Variants in LAMC1 observed in about 807,000 individuals in gnomAD.
LAMC1 encodes laminin subunit gamma 1.
In LAMC1, 38 loss-of-function variants were observed where a neutral mutation model predicts 173.6. That is an observed-to-expected ratio of 0.22 (90% confidence interval 0.17 to 0.29). The LOEUF (loss-of-function observed/expected upper bound fraction) is 0.29, where lower values mean the gene tolerates loss of function less well. Among genes scored for constraint, LAMC1 ranks in the 10% least tolerant of loss-of-function variants. The probability of loss-of-function intolerance (pLI) is 1.00; values close to 1 mark genes in which losing one functional copy is unlikely to be tolerated. For missense variants in LAMC1, 1,824 were observed against 2,051.8 expected, an observed-to-expected ratio of 0.89 and a Z score of 2.14; for synonymous variants, 746 against 749.1, an observed-to-expected ratio of 1.00 and a Z score of 0.07.
At chr1:183,103,260 C>A in intron 1 of LAMC1, 68 bp from the exon 2 acceptor site, 1 of 1,412,024 alleles carries the variant, frequency 7.1e-7, no homozygotes, top group Non-Finnish European at 9.8e-7. Flanking sequence ...CCAAACTAAG[C>A]TGGGAATAGA....
chr1:183,069,966 C>A (rs59590702), intron 1 of LAMC1, among the ~76,000 whole-genome samples: 1 of 152,032 alleles, frequency 6.6e-6, no homozygotes, highest in Non-Finnish European at 1.5e-5. Context: ...AAGAATGGCC[C>A]GGTTGAATAA....
intron 1 of LAMC1, among the ~76,000 whole-genome samples, chr1:183,039,405 A>G (rs777910821): frequency 5.9e-5 from 9 of 152,214 alleles, no homozygotes; most frequent in East Asian, 1.9e-4. Flanking sequence ...CAGTCCATAC[A>G]TAGTTTTGAA....
chr1:183,080,769 TTTAG>T (rs1042474607), intron 1 of LAMC1, among the ~76,000 whole-genome samples: 8 of 152,142 alleles, frequency 5.3e-5, no homozygotes, highest in Admixed American at 2.0e-4. Flanking sequence ...GGTTTTAGTT[TTTAG>T]TTAGTTTTTT....
At chr1:183,041,358 T>A (rs1471159578) in intron 1 of LAMC1, among the ~76,000 whole-genome samples, 1 of 152,216 alleles carries the variant, frequency 6.6e-6, no homozygotes, top group Non-Finnish European at 1.5e-5. Flanking sequence ...TGTTTTTTCC[T>A]TTGGCTACTT....
In LAMC1 at chr1:183,126,168, C is replaced by T. The variant is rs1389329408; in HGVS notation, c.2850C>T (p.Arg950=). ...LGSTNGQCDI[R]TGQCECQPGI... ...CCACCAATGGGCAGTGTGACATCCG[C>T]ACCGGCCAGTGTGAGTGCCAGCCCG... The change falls in exon 16 of 28, where the codon CGC becomes CGT. Residue 950 remains arginine (R), a synonymous_variant. Transcript: ENST00000258341. The T allele has an allele frequency of 6.2e-7, 1 of 1,614,212 alleles. No individual in the cohort carries two copies. The highest frequency in any genetic ancestry group is 1.1e-5 in the South Asian group (1 of 91,090).
chr1:183,055,504 G>A (rs1304033504), intron 1 of LAMC1, among the ~76,000 whole-genome samples: 1 of 151,926 alleles, frequency 6.6e-6, no homozygotes, highest in Non-Finnish European at 1.5e-5. Context: ...TAGGATTGAT[G>A]TGAGGATTAA....
At position 183,117,516 on chromosome 1, in the gene LAMC1, A is replaced by G. The variant is rs1384528196; in HGVS notation, c.1688-18A>G. ...TCTCAGTCTCACATTCTTGCCCACC[A>G]TTGTGTCTGTATTCCAGCAAAGTTC... On this transcript the variant is annotated intron_variant, in intron 9 of 27. Transcript: ENST00000258341. 1.2e-6 allele frequency: 2 copies of G among 1,612,970 alleles called. No individual in the cohort carries two copies. Among genetic ancestry groups the G allele is most frequent in the East Asian group, 2.2e-5 (1 of 44,874 alleles).
intron 1 of LAMC1, among the ~76,000 whole-genome samples, chr1:183,055,058 G>A (rs1200700331): frequency 5.4e-5 from 8 of 149,084 alleles, no homozygotes; most frequent in Non-Finnish European, 4.4e-5. Context: ...ACGCAATCTC[G>A]GCTCACTGCA....
chr1:183,060,752 TG>T (rs1654724851), intron 1 of LAMC1, among the ~76,000 whole-genome samples: 1 of 152,184 alleles, frequency 6.6e-6, no homozygotes, highest in Non-Finnish European at 1.5e-5. Context: ...ACCGAATGAA[TG>T]GGTGAAAAGC....
chr1:183,080,881 A>G (rs1027488085), intron 1 of LAMC1, among the ~76,000 whole-genome samples: 2 of 151,820 alleles, frequency 1.3e-5, no homozygotes, highest in African/African-American at 2.4e-5. Context: ...TATTTTTTAA[A>G]TGTATTTTAT....
intron 1 of LAMC1, among the ~76,000 whole-genome samples, chr1:183,048,474 A>G (rs1654326631): frequency 6.6e-6 from 1 of 152,232 alleles, no homozygotes; most frequent in African/African-American, 2.4e-5. Flanking sequence ...ACAGAATGAC[A>G]TCCAATTCTG....
At position 183,130,559 on chromosome 1, in the gene LAMC1, T is replaced by G; in HGVS notation, c.3486+10T>G. ...CGCTGCTGCCAATGTGGTAAGTGAT[T>G]GCAAACGTCTGAGGTGGGGATGGGG... On this transcript the variant is annotated intron_variant, in intron 19 of 27. Transcript: ENST00000258341. 6.2e-7 allele frequency: 1 copy of G among 1,612,574 alleles called. No homozygotes were observed. The highest frequency in any genetic ancestry group is 8.5e-7 in the Non-Finnish European group (1 of 1,178,564).
At chr1:183,128,776 CTT>C in intron 18 of LAMC1, 26 bp downstream of exon 18, 3 of 1,553,850 alleles carry the variant, frequency 1.9e-6, no homozygotes, top group South Asian at 2.5e-5. Context: ...CAGTGCATGA[CTT>C]CTGTGAGATG....
rs1415343761 is a variant in LAMC1, at chr1:183,144,529, A to C, written c.*1739A>C. On this transcript the variant is annotated 3_prime_UTR_variant, in exon 28 of 28. Coordinates refer to ENST00000258341, the MANE Select transcript of LAMC1 (RefSeq NM_002293.4). Reference sequence around the variant, plus strand: ...AATTAATATAATTGCTTTCCTCCACACCCAGCCACTGTAAAGAGGTAACTT... The same window carrying C: ...AATTAATATAATTGCTTTCCTCCACCCCCAGCCACTGTAAAGAGGTAACTT... 1 of 152,010 alleles carries C rather than the reference A, an allele frequency of 6.6e-6. No individual in the cohort carries two copies. Among genetic ancestry groups the C allele is most frequent in the East Asian group, 1.9e-4 (1 of 5,178 alleles). The allele number at this position is 152,010 out of a possible 1,614,324, so 9.4% of individuals were successfully genotyped here.
chr1:183,103,297 A>G, intron 1 of LAMC1, 31 bp from the exon 2 acceptor site: 1 of 1,594,830 alleles, frequency 6.3e-7, no homozygotes, highest in Admixed American at 1.7e-5. Flanking sequence ...CATACGTATG[A>G]TTTATGACCT....
chr1:183,118,652 G>A (rs1362463075), intron 11 of LAMC1, among the ~76,000 whole-genome samples: 1 of 151,914 alleles, frequency 6.6e-6, no homozygotes, highest in African/African-American at 2.4e-5. Context: ...AAACCCGGGA[G>A]GCAGTGGTTG....
At chr1:183,040,209 T>G (rs953206981) in intron 1 of LAMC1, among the ~76,000 whole-genome samples, 1 of 152,234 alleles carries the variant, frequency 6.6e-6, no homozygotes, top group African/African-American at 2.4e-5. Flanking sequence ...TTTTTGTGCC[T>G]CCCGCTAACA....
At chr1:183,089,744 A>G (rs941562670) in intron 1 of LAMC1, among the ~76,000 whole-genome samples, 6 of 152,224 alleles carry the variant, frequency 3.9e-5, no homozygotes, top group Admixed American at 2.6e-4. Context: ...CAGATTATCA[A>G]ATGTTCTAAA....
chr1:183,110,642 A>G lies in LAMC1; in HGVS notation c.1009A>G (p.Ser337Gly). 6.2e-7 allele frequency: 1 copy of G among 1,613,838 alleles called. No individual in the cohort carries two copies. The highest frequency in any genetic ancestry group is 8.5e-7 in the Non-Finnish European group (1 of 1,179,834). The change falls in exon 4 of 28, where the codon AGT becomes GGT. Residue 337 changes from serine (S) to glycine (G), a missense_variant. Transcript: ENST00000258341. Reference sequence around the variant, plus strand: ...GAGGAGGGCAACTGCGGAAAGTGCCAGTGAATGCCTGCGTGAGTGCCCCAT... The same window carrying G: ...GAGGAGGGCAACTGCGGAAAGTGCCGGTGAATGCCTGCGTGAGTGCCCCAT... ...PWRRATAESASECLPCDCNGR... is the reference protein window; with the variant it reads ...PWRRATAESAGECLPCDCNGR...
Sources: gnomAD v4.1 joint callset for allele counts (sites outside exome capture counted in the v4.1 genomes callset) on GRCh38, gnomAD v4.1.1 for gene constraint, MANE v1.5 for transcripts, NCBI Gene and HGNC (gene_info 2026-07-23, HGNC 2026-07-21) for gene names.